Variants in NKAIN3 observed in about 807,000 individuals in gnomAD.
NKAIN3 encodes the protein sodium/potassium-transporting ATPase subunit beta-1-interacting protein 3.
Under a neutral mutation model 30.2 loss-of-function variants are expected in NKAIN3, and 25 were observed. That is an observed-to-expected ratio of 0.83 (90% CI 0.60 to 1.16). The LOEUF (loss-of-function observed/expected upper bound fraction) is 1.16. Among genes scored for constraint, NKAIN3 ranks in the 50% most tolerant of loss-of-function variants. The probability of loss-of-function intolerance (pLI) is 0.00; values close to 1 mark genes in which losing one functional copy is unlikely to be tolerated. For synonymous variants in NKAIN3, 91 were observed against 89.6 expected, an observed-to-expected ratio of 1.02 and a Z score of -0.09; for missense variants, 225 against 254.1, an observed-to-expected ratio of 0.89 and a Z score of 0.78.
In NKAIN3 at chr8:62,597,368, C is replaced by T. The variant is rs374913517; in HGVS notation, c.273+7574C>T. ...AGTGTGTATAATAGCCTGGCTATTTCGCTTTTCATGGTGAAAAGAAAATTC... is the reference window on the plus strand; with the variant it reads ...AGTGTGTATAATAGCCTGGCTATTTTGCTTTTCATGGTGAAAAGAAAATTC... On this transcript the variant is annotated intron_variant, in intron 3 of 6. Transcript: ENST00000623646. Among the ~76,000 whole-genome samples, 112 of 152,052 alleles carry T rather than the reference C, an allele frequency of 7.4e-4. 1 individual carries two copies. In the Middle Eastern group the frequency reaches 0.021, roughly 28 times the overall value.
chr8:62,581,868 A>C (rs113163919), intron 2 of NKAIN3, among the ~76,000 whole-genome samples: 218 of 4,552 alleles, frequency 0.048, 7 homozygotes, highest in Non-Finnish European at 0.058. Flanking sequence ...ACCCATCCTC[A>C]CTCCCTTCCT....
intron 4 of NKAIN3, chr8:62,864,110 G>A (rs1820345167): frequency 7.9e-6 from 5 of 631,430 alleles, no homozygotes; most frequent in African/African-American, 3.7e-5. Context: ...GGCTACAGGG[G>A]CTTCGCGGAG....
intron 4 of NKAIN3, among the ~76,000 whole-genome samples, chr8:62,820,497 C>G (rs111948158): frequency 6.6e-6 from 1 of 151,998 alleles, no homozygotes; most frequent in Non-Finnish European, 1.5e-5. Context: ...GGAGGGAGGA[C>G]GTAATGAGCA....
At chr8:62,939,360 C>G (rs1350022129) in intron 5 of NKAIN3, among the ~76,000 whole-genome samples, 1 of 152,124 alleles carries the variant, frequency 6.6e-6, no homozygotes, top group East Asian at 1.9e-4. Flanking sequence ...ACTTTTCTGG[C>G]CTTACTACAG....
chr8:62,563,789 G>C (rs1354705627), intron 1 of NKAIN3, among the ~76,000 whole-genome samples: 1 of 152,150 alleles, frequency 6.6e-6, no homozygotes, highest in Non-Finnish European at 1.5e-5. Context: ...TGCAGCTATT[G>C]TTTGAGTTAT....
chr8:62,662,580 C>T (rs999832134), intron 3 of NKAIN3, among the ~76,000 whole-genome samples: 1 of 152,150 alleles, frequency 6.6e-6, no homozygotes, highest in Non-Finnish European at 1.5e-5. Flanking sequence ...ATCATTCTTC[C>T]AACAAGTAGT....
chr8:62,585,602 A>G (rs1204043057), intron 2 of NKAIN3, among the ~76,000 whole-genome samples: 1 of 152,110 alleles, frequency 6.6e-6, no homozygotes, highest in Non-Finnish European at 1.5e-5. Flanking sequence ...AAGTAGCCGC[A>G]GCCTAGATCC....
chr8:62,500,196 G>A (rs1807381814), intron 1 of NKAIN3, among the ~76,000 whole-genome samples: 2 of 151,984 alleles, frequency 1.3e-5, no homozygotes, highest in African/African-American at 4.8e-5. Context: ...CTGTTTCAGT[G>A]CCAGAATGAG....
At chr8:62,321,181 C>T (rs2129589412) in intron 1 of NKAIN3, among the ~76,000 whole-genome samples, 2 of 152,310 alleles carry the variant, frequency 1.3e-5, no homozygotes, top group East Asian at 3.9e-4. Context: ...TTTCAAGCTC[C>T]ATCAGGTCCT....
chr8:62,579,526 T>G lies in NKAIN3; in HGVS notation c.55-13T>G. The G allele has an allele frequency of 6.3e-7, 1 of 1,592,716 alleles. No individual in the cohort carries two copies. The highest frequency in any genetic ancestry group is 8.5e-7 in the Non-Finnish European group (1 of 1,171,930). On this transcript the variant is annotated splice_polypyrimidine_tract_variant and intron_variant, in intron 1 of 6. Coordinates refer to ENST00000623646, the MANE Select transcript of NKAIN3 (RefSeq NM_001304533.3). The stretch of plus-strand genomic sequence containing the variant: ...TGGATTCAATGCTAATGAACTTTCT[T>G]TTTTTGTTGTAGGTCTCAGCATTAG...
chr8:62,694,721 C>G (rs138273190), intron 3 of NKAIN3, among the ~76,000 whole-genome samples: 2 of 152,252 alleles, frequency 1.3e-5, no homozygotes, highest in East Asian at 3.9e-4. Flanking sequence ...GTTCCTGACC[C>G]ATCCAGCAAA....
intron 3 of NKAIN3, among the ~76,000 whole-genome samples, chr8:62,634,124 C>A (rs1812053753): frequency 1.3e-5 from 2 of 151,962 alleles, no homozygotes; most frequent in South Asian, 4.2e-4. Context: ...TAGAAATTGA[C>A]CCTCCCCATC....
At chr8:62,336,312 T>A (rs1231165258) in intron 1 of NKAIN3, among the ~76,000 whole-genome samples, 1 of 152,080 alleles carries the variant, frequency 6.6e-6, no homozygotes, top group African/African-American at 2.4e-5. Flanking sequence ...GCTTTCTCCA[T>A]TTTGCCTGTT....
chr8:62,281,616 C>G (rs934511826), intron 1 of NKAIN3, among the ~76,000 whole-genome samples: 14 of 152,086 alleles, frequency 9.2e-5, no homozygotes, highest in African/African-American at 3.1e-4. Context: ...TTATTTCTAG[C>G]TTCATTTCGT....
At chr8:62,345,318 CATATATACACATATATGT>C (rs1200465799) in intron 1 of NKAIN3, among the ~76,000 whole-genome samples, 6 of 59,072 alleles carry the variant, frequency 1.0e-4, no homozygotes, top group African/African-American at 3.0e-4. Flanking sequence ...TATATACACA[CATATATACACATATATGT>C]ATATATACAC....
At chr8:62,273,205 T>A (rs1432650817) in intron 1 of NKAIN3, among the ~76,000 whole-genome samples, 1 of 152,238 alleles carries the variant, frequency 6.6e-6, no homozygotes, top group Admixed American at 6.5e-5. Flanking sequence ...TTTTTAATTA[T>A]GTCTGTTCAT....
At chr8:62,322,881 A>G (rs1487453159) in intron 1 of NKAIN3, among the ~76,000 whole-genome samples, 1 of 152,242 alleles carries the variant, frequency 6.6e-6, no homozygotes, top group East Asian at 1.9e-4. Flanking sequence ...CTCACCAGAG[A>G]AGATGCACAG....
At chr8:62,557,782 A>G (rs1288581488) in intron 1 of NKAIN3, among the ~76,000 whole-genome samples, 1 of 151,974 alleles carries the variant, frequency 6.6e-6, no homozygotes, top group Non-Finnish European at 1.5e-5. Flanking sequence ...ATTTTGTTTG[A>G]GTTCGTTGTA....
intron 4 of NKAIN3, among the ~76,000 whole-genome samples, chr8:62,828,743 C>T (rs1298142430): frequency 2.6e-5 from 4 of 152,114 alleles, no homozygotes; most frequent in Non-Finnish European, 4.4e-5. Context: ...TCTACCTTGA[C>T]ATGGAACACT....
Sources: gnomAD v4.1 joint callset for allele counts (sites outside exome capture counted in the v4.1 genomes callset) on GRCh38, gnomAD v4.1.1 for gene constraint, MANE v1.5 for transcripts, NCBI Gene and HGNC (gene_info 2026-07-23, HGNC 2026-07-21) for gene names.